The following RASGRF1 variants were observed in gnomAD, a reference collection of about 807,000 sequenced individuals.
RASGRF1 encodes the protein ras-specific guanine nucleotide-releasing factor 1.
Under a neutral mutation model 138.7 loss-of-function variants are expected in RASGRF1, and 40 were observed. The observed-to-expected ratio is 0.29, with a 90% CI of 0.22 to 0.38. RASGRF1 has a LOEUF of 0.38. RASGRF1 is among the 10% of genes least tolerant of loss of function. RASGRF1 has a pLI of 1.00. For missense variants in RASGRF1, 1,108 were observed against 1,650.4 expected, an observed-to-expected ratio of 0.67 and a Z score of 5.69; for synonymous variants, 614 against 663.2, an observed-to-expected ratio of 0.93 and a Z score of 1.14.
Position 79,090,555 on chromosome 15 carries a change from C to G in RASGRF1, c.-57G>C. 6.3e-7 allele frequency: 1 copy of G among 1,579,004 alleles called. No homozygotes were observed. Among genetic ancestry groups the G allele is most frequent in the South Asian group, 1.1e-5 (1 of 88,042 alleles). On this transcript the variant is annotated 5_prime_UTR_variant, in exon 1 of 27. Coordinates refer to ENST00000558480, the MANE Select transcript of RASGRF1 (RefSeq NM_001145648.3). Reference sequence around the variant, plus strand: ...TTACATCTTCTCCGCGCAGCAGCCCCCCGTCCGTGCGCGCTGCGCGCTGCC... The same window carrying G: ...TTACATCTTCTCCGCGCAGCAGCCCGCCGTCCGTGCGCGCTGCGCGCTGCC...
In RASGRF1 at chr15:79,017,832, T is replaced by C; in HGVS notation, c.1681A>G (p.Thr561Ala). ...CTGGACGAGGCCACTAGGATGACTG[T>C]AAAGGGCGGGGAATCCTTTGGCTCC... is the stretch of plus-strand genomic sequence containing the variant. ...GVEPKDSPPF[T>A]VILVASSRQE... Residue 561 changes from threonine to alanine, a missense_variant, in exon 12 of 27, where the codon ACA becomes GCA. Physicochemically the swap from Thr to Ala is moderately conservative, Grantham distance 58. Coordinates refer to ENST00000558480, the MANE Select transcript of RASGRF1 (RefSeq NM_001145648.3). 6.2e-7 allele frequency: 1 copy of C among 1,613,144 alleles called. No homozygotes were observed. Among genetic ancestry groups the C allele is most frequent in the Non-Finnish European group, 8.5e-7 (1 of 1,179,606 alleles).
chr15:78,980,023 C>G (rs574675097), intron 24 of RASGRF1: 1 of 152,456 alleles, frequency 6.6e-6, no homozygotes, highest in East Asian at 1.9e-4. Context: ...AGGACAGTCC[C>G]CCTCAACAAA....
Position 79,050,702 on chromosome 15 carries a change from T to C in RASGRF1, c.532-1114A>G, listed in dbSNP as rs2057418782. On this transcript the variant is annotated intron_variant, in intron 3 of 26. Transcript: ENST00000558480. The surrounding 1 kb of genome is among the most constrained non-coding windows in gnomAD (Gnocchi z 4.1). ...CCAAGGCATGGTGCCTAGGAGAAGG[T>C]ACACCTTAAGCTGCACTGTGGCCAG... Among the ~76,000 whole-genome samples, 2 of 152,210 alleles carry C rather than the reference T, an allele frequency of 1.3e-5. No individual in the cohort carries two copies. Among genetic ancestry groups the C allele is most frequent in the South Asian group, 4.1e-4 (2 of 4,826 alleles).
chr15:79,021,076 C>T (rs531942463), intron 10 of RASGRF1, among the ~76,000 whole-genome samples: 8 of 152,320 alleles, frequency 5.3e-5, no homozygotes, highest in South Asian at 4.1e-4. Context: ...AAGGATACCC[C>T]GGCCCCAGTT....
intron 14 of RASGRF1, chr15:79,004,784 C>T (rs2056633738): frequency 1.0e-6 from 1 of 985,534 alleles, no homozygotes; most frequent in South Asian, 4.7e-5. Context: ...ACATTGCAAA[C>T]CATAGCTTGT....
intron 24 of RASGRF1, among the ~76,000 whole-genome samples, chr15:78,976,841 G>A (rs1465074335): frequency 6.6e-6 from 1 of 152,264 alleles, no homozygotes; most frequent in Non-Finnish European, 1.5e-5. Flanking sequence ...ATCAAGCAGA[G>A]CTGATACGGG....
chr15:79,056,360 G>A (rs1303936596), intron 3 of RASGRF1, among the ~76,000 whole-genome samples: 1 of 152,178 alleles, frequency 6.6e-6, no homozygotes. Context: ...CCATACAGGA[G>A]TTCAGTTTAG....
At position 78,998,143 on chromosome 15, in the gene RASGRF1, G is replaced by A; in HGVS notation, c.2919C>T (p.Asp973=). ...TCCGCTCCTGGGTCAGGAGCTCCGG[G>A]TCGTGCATGACTTCTTCCAGGAAGC... The part of the protein sequence containing the change: ...VIGFLEEVMH[D]PELLTQERKA... Residue 973 remains aspartate (D), a synonymous_variant, in exon 19 of 27, where the codon GAC becomes GAT. Coordinates refer to ENST00000558480, the MANE Select transcript of RASGRF1 (RefSeq NM_001145648.3). 2.5e-6 allele frequency: 4 copies of A among 1,614,220 alleles called. No individual in the cohort carries two copies. The highest frequency in any genetic ancestry group is 3.4e-6 in the Non-Finnish European group (4 of 1,180,018).
At chr15:79,066,583 G>A (rs575422927) in intron 1 of RASGRF1, among the ~76,000 whole-genome samples, 1 of 152,318 alleles carries the variant, frequency 6.6e-6, no homozygotes, top group Admixed American at 6.5e-5. Context: ...GGGTCACCAG[G>A]GGACTCAGAG....
At chr15:79,001,455 C>A (rs918523813) in intron 16 of RASGRF1, among the ~76,000 whole-genome samples, 3 of 152,010 alleles carry the variant, frequency 2.0e-5, no homozygotes. Flanking sequence ...ATCTACCCAG[C>A]CAATGTTCCA....
At chr15:78,980,364 A>G (rs1315210579) in intron 24 of RASGRF1, 1 of 346,542 alleles carries the variant, frequency 2.9e-6, no homozygotes, top group Non-Finnish European at 5.2e-6. Context: ...TATTATCATC[A>G]CAGCTACTAT....
At chr15:78,984,558 G>A in intron 23 of RASGRF1, 1 of 229,666 alleles carries the variant, frequency 4.4e-6, no homozygotes, top group Non-Finnish European at 8.8e-6. Context: ...GGCCAGAAGC[G>A]CAGGTGAAAT....
intron 23 of RASGRF1, chr15:78,984,793 T>G (rs2056111965): frequency 1.7e-6 from 1 of 583,740 alleles, no homozygotes; most frequent in Non-Finnish European, 3.1e-6. Context: ...ATTACTCAAG[T>G]GGGGATTACA....
Position 79,090,285 on chromosome 15 carries a change from C to G in RASGRF1, c.214G>C (p.Val72Leu). Residue 72 changes from valine to leucine, a missense_variant, in exon 1 of 27, where the codon GTC (valine) becomes CTC (leucine). Coordinates refer to ENST00000558480, the MANE Select transcript of RASGRF1 (RefSeq NM_001145648.3). Reference protein sequence around the residue: ...PSGLYLLEGCVCDRAPSPKPA... With the variant: ...PSGLYLLEGCLCDRAPSPKPA... ...TTGGGGGAGGGCGCGCGGTCGCAGA[C>G]GCAGCCCTCCAGCAGGTAAAGCCCC... 6.2e-7 allele frequency: 1 copy of G among 1,612,788 alleles called. No individual in the cohort carries two copies. The highest frequency in any genetic ancestry group is 8.5e-7 in the Non-Finnish European group (1 of 1,179,774).
At chr15:79,043,778 C>T (rs1288373439) in intron 5 of RASGRF1, among the ~76,000 whole-genome samples, 2 of 152,236 alleles carry the variant, frequency 1.3e-5, no homozygotes, top group African/African-American at 4.8e-5. Flanking sequence ...GGCATGCACA[C>T]TGCCCAGGAG....
At chr15:79,020,737 C>G (rs1352012685) in intron 10 of RASGRF1, among the ~76,000 whole-genome samples, 1 of 152,176 alleles carries the variant, frequency 6.6e-6, no homozygotes, top group Non-Finnish European at 1.5e-5. Flanking sequence ...TAGGAGGTCC[C>G]TTAACATTGT....
chr15:78,984,864 G>A, intron 23 of RASGRF1, 143 bp downstream of exon 23: 1 of 855,848 alleles, frequency 1.2e-6, no homozygotes, highest in South Asian at 1.5e-5. Context: ...TATAGGGGAA[G>A]CTATTCTGTT....
intron 24 of RASGRF1, chr15:78,978,375 C>A: frequency 2.8e-6 from 1 of 352,172 alleles, no homozygotes. Flanking sequence ...TAGGCATGTG[C>A]CACCACGCCT....
intron 24 of RASGRF1, chr15:78,978,979 G>T: frequency 7.7e-7 from 1 of 1,290,748 alleles, no homozygotes; most frequent in South Asian, 1.2e-5. Context: ...TGGGGACTCA[G>T]ACAGAATGGG....
Sources: gnomAD v4.1 joint callset for allele counts (sites outside exome capture counted in the v4.1 genomes callset) on GRCh38, gnomAD v4.1.1 for gene constraint, Gnocchi (gnomAD v3.1) non-coding constraint, MANE v1.5 for transcripts, NCBI Gene and HGNC (gene_info 2026-07-23, HGNC 2026-07-21) for gene names.